Variants in TNFRSF10C observed in about 807,000 individuals in gnomAD.
TNFRSF10C encodes tumor necrosis factor receptor superfamily member 10C.
TNFRSF10C carries 17 observed loss-of-function variants against 16.7 expected under a neutral mutation model. The observed-to-expected ratio is 1.02, with a 90% CI of 0.70 to 1.53. The LOEUF (loss-of-function observed/expected upper bound fraction) is 1.53. TNFRSF10C is among the 40% of genes most tolerant of loss of function. TNFRSF10C has a pLI of 0.00. For missense variants in TNFRSF10C, 237 were observed against 329.7 expected, an observed-to-expected ratio of 0.72 and a Z score of 2.18; for synonymous variants, 73 against 119.7, an observed-to-expected ratio of 0.61 and a Z score of 2.55.
rs555157240 is a variant in TNFRSF10C, at chr8:23,110,796, G to T, written c.61-924G>T. 2.0e-5 allele frequency among the ~76,000 whole-genome samples: 3 copies of T among 152,286 alleles called. No homozygotes were observed. The South Asian group carries it at 6.2e-4, about 32-fold the overall frequency. On this transcript the variant is annotated intron_variant, in intron 1 of 4. Coordinates refer to ENST00000356864, the MANE Select transcript of TNFRSF10C (RefSeq NM_003841.5). Reference sequence around the variant, plus strand: ...AACCTTCATTTGTAAAGCTGAGTATGTTTAAGTGTGTGTCTGTGTGTATTT... The same window carrying T: ...AACCTTCATTTGTAAAGCTGAGTATTTTTAAGTGTGTGTCTGTGTGTATTT...
Position 23,103,089 on chromosome 8 carries a change from C to T in TNFRSF10C, c.-33C>T, listed in dbSNP as rs2128829243. 2.5e-6 allele frequency: 4 copies of T among 1,603,148 alleles called. No individual in the cohort carries two copies. Among genetic ancestry groups the T allele is most frequent in the South Asian group, 2.3e-5 (2 of 88,846 alleles). On this transcript the variant is annotated 5_prime_UTR_variant, in exon 1 of 5. Transcript: ENST00000356864. Reference sequence around the variant, plus strand: ...GCCTGATGGCCGAGGCAGGGTGCGACCCAGGACCCAGGACGGCGTCGGGAA... The same window carrying T: ...GCCTGATGGCCGAGGCAGGGTGCGATCCAGGACCCAGGACGGCGTCGGGAA...
chr8:23,110,367 A>G (rs971881598), intron 1 of TNFRSF10C, among the ~76,000 whole-genome samples: 1 of 152,230 alleles, frequency 6.6e-6, no homozygotes, highest in Non-Finnish European at 1.5e-5. Context: ...AGCAGCTTTC[A>G]TTGTAACCAT....
intron 1 of TNFRSF10C, among the ~76,000 whole-genome samples, chr8:23,109,659 GAA>G (rs1813844379): frequency 6.6e-6 from 1 of 150,822 alleles, no homozygotes; most frequent in Non-Finnish European, 1.5e-5. Flanking sequence ...AAAAGAAAAA[GAA>G]AATTATGGCC....
chr8:23,117,364 G>A lies in TNFRSF10C; in HGVS notation c.*333G>A, dbSNP rs1003832465. 4.1e-4 allele frequency: 181 copies of A among 437,258 alleles called. 2 individuals are homozygous for A. In the East Asian group the frequency reaches 6.7e-3, roughly 16 times the overall value. 27.1% of individuals were successfully genotyped at this position (437,258 alleles called of 1,614,324 possible). On this transcript the variant is annotated 3_prime_UTR_variant, in exon 5 of 5. Coordinates refer to ENST00000356864, the MANE Select transcript of TNFRSF10C (RefSeq NM_003841.5). ...AGGCCCAGCCAGGCAGGGGGCAGTCGGCTCCTCAACTGGGTGACAAGGGTG... is the reference window on the plus strand; with the variant it reads ...AGGCCCAGCCAGGCAGGGGGCAGTCAGCTCCTCAACTGGGTGACAAGGGTG...
chr8:23,103,278 C>G, intron 1 of TNFRSF10C, 97 bp downstream of exon 1: 2 of 1,540,876 alleles, frequency 1.3e-6, no homozygotes, highest in Non-Finnish European at 1.8e-6. Context: ...TGGCCCTGGT[C>G]ACCTGCGGCC....
chr8:23,112,963 C>CATG (rs1813907792), intron 2 of TNFRSF10C, among the ~76,000 whole-genome samples: 1 of 728 alleles, frequency 1.4e-3, no homozygotes, highest in African/African-American at 0.1. Flanking sequence ...TTTTTCTCCC[C>CATG]ATCATCAACA....
intron 2 of TNFRSF10C, 153 bp from the exon 3 acceptor site, chr8:23,114,504 T>C: frequency 3.4e-6 from 2 of 587,756 alleles, no homozygotes; most frequent in South Asian, 4.2e-5. Context: ...CAAAGGTATG[T>C]AATAGATGCT....
At position 23,117,255 on chromosome 8, in the gene TNFRSF10C, T is replaced by C; in HGVS notation, c.*224T>C. ...TCCCGTGCACCCCCCAGGACCCTGGTCTCATCAGTCCCTCTCCTGGAGCTG... is the reference window on the plus strand; with the variant it reads ...TCCCGTGCACCCCCCAGGACCCTGGCCTCATCAGTCCCTCTCCTGGAGCTG... On this transcript the variant is annotated 3_prime_UTR_variant, in exon 5 of 5. Coordinates refer to ENST00000356864, the MANE Select transcript of TNFRSF10C (RefSeq NM_003841.5). 1.5e-6 allele frequency: 1 copy of C among 670,196 alleles called. No individual in the cohort carries two copies. Among genetic ancestry groups the C allele is most frequent in the Non-Finnish European group, 2.5e-6 (1 of 404,816 alleles). 41.5% of individuals were successfully genotyped at this position (670,196 alleles called of 1,614,324 possible).
intron 1 of TNFRSF10C, among the ~76,000 whole-genome samples, chr8:23,110,698 C>T (rs1224399341): frequency 6.6e-6 from 1 of 152,092 alleles, no homozygotes; most frequent in Admixed American, 6.5e-5. Flanking sequence ...TGACAAGGTC[C>T]TTTGTAAAGC....
chr8:23,108,579 T>C (rs557697792), intron 1 of TNFRSF10C, among the ~76,000 whole-genome samples: 17 of 152,342 alleles, frequency 1.1e-4, no homozygotes, highest in South Asian at 8.3e-4. Flanking sequence ...GGGACCTTTG[T>C]AGTTAAAAGG....
chr8:23,114,629 A>G lies in TNFRSF10C; in HGVS notation c.167-28A>G, dbSNP rs763993562. 2.5e-6 allele frequency: 4 copies of G among 1,582,386 alleles called. No individual in the cohort carries two copies. The South Asian group carries it at 4.4e-5, about 18-fold the overall frequency. On this transcript the variant is annotated intron_variant, in intron 2 of 4. Transcript: ENST00000356864. ...GCCTCTGGGAATTCTGTGGTGACTC[A>G]TTCATTGGCTTTTCTCTTCCTTCCC...
At chr8:23,114,143 G>A (rs1487731043) in intron 2 of TNFRSF10C, among the ~76,000 whole-genome samples, 1 of 152,046 alleles carries the variant, frequency 6.6e-6, no homozygotes, top group African/African-American at 2.4e-5. Context: ...TCTTGAGAAG[G>A]CCCTGAAGGA....
At position 23,103,002 on chromosome 8, in the gene TNFRSF10C, A is replaced by G. The variant is rs1428471745; in HGVS notation, c.-120A>G. On this transcript the variant is annotated 5_prime_UTR_variant, in exon 1 of 5. The change abolishes an upstream ATG in the 5' untranslated region. Coordinates refer to ENST00000356864, the MANE Select transcript of TNFRSF10C (RefSeq NM_003841.5). ...TAGATTTTTGGGAGTTTGACCAGAG[A>G]TGCAAGGGGTGAAGGAGCGCTTCCT... The G allele has an allele frequency of 6.5e-7, 1 of 1,542,248 alleles. No homozygotes were observed. Among genetic ancestry groups the G allele is most frequent in the South Asian group, 1.2e-5 (1 of 83,910 alleles).
At chr8:23,108,402 G>A (rs1321687500) in intron 1 of TNFRSF10C, among the ~76,000 whole-genome samples, 2 of 152,010 alleles carry the variant, frequency 1.3e-5, no homozygotes, top group Non-Finnish European at 2.9e-5. Context: ...CTTTTTTCTG[G>A]CATCGGCTGT....
At chr8:23,116,405 G>A (rs568183505) in intron 4 of TNFRSF10C, among the ~76,000 whole-genome samples, 1 of 152,292 alleles carries the variant, frequency 6.6e-6, no homozygotes, top group Non-Finnish European at 1.5e-5. Context: ...CTCAGTGTGT[G>A]CCCGGCACAG....
chr8:23,106,371 T>C (rs938103482), intron 1 of TNFRSF10C, among the ~76,000 whole-genome samples: 3 of 151,034 alleles, frequency 2.0e-5, no homozygotes, highest in South Asian at 2.1e-4. Flanking sequence ...TTGATTACAG[T>C]CACCATTGAG....
chr8:23,114,067 G>T (rs1813930069), intron 2 of TNFRSF10C, among the ~76,000 whole-genome samples: 1 of 152,186 alleles, frequency 6.6e-6, no homozygotes, highest in South Asian at 2.1e-4. Context: ...GCCTCTCGGG[G>T]ATGGTGATTT....
At chr8:23,109,804 G>A (rs903564805) in intron 1 of TNFRSF10C, among the ~76,000 whole-genome samples, 4 of 151,750 alleles carry the variant, frequency 2.6e-5, no homozygotes, top group African/African-American at 4.8e-5. Context: ...GGTGGCTTAC[G>A]CCTGTAATCC....
At chr8:23,108,891 TCTC>T (rs1813825801) in intron 1 of TNFRSF10C, among the ~76,000 whole-genome samples, 1 of 152,124 alleles carries the variant, frequency 6.6e-6, no homozygotes, top group African/African-American at 2.4e-5. Flanking sequence ...CACAATATGA[TCTC>T]TAAACTTAAT....
Sources: gnomAD v4.1 joint callset for allele counts (sites outside exome capture counted in the v4.1 genomes callset) on GRCh38, gnomAD v4.1.1 for gene constraint, MANE v1.5 for transcripts, NCBI Gene and HGNC (gene_info 2026-07-23, HGNC 2026-07-21) for gene names.